GDA: variants seen among roughly 807,000 people sequenced by gnomAD.
GDA encodes the protein cytoplasmic PSD-95 interactor.
GDA carries 18 observed loss-of-function variants against 59.6 expected under a neutral mutation model. The observed-to-expected ratio is 0.30, with a 90% confidence interval of 0.21 to 0.45. The LOEUF (loss-of-function observed/expected upper bound fraction) is 0.45. GDA is among the 20% of genes least tolerant of loss of function. GDA has a pLI of 1.00. For missense variants in GDA, 427 were observed against 552.3 expected (o/e 0.77, Z 2.27); for synonymous variants, 201 against 201.1 (o/e 1.00, Z 0.00).
At chr9:72,237,134 C>G (rs1839098978) in intron 10 of GDA, among the ~76,000 whole-genome samples, 2 of 152,158 alleles carry the variant, frequency 1.3e-5, no homozygotes, top group Non-Finnish European at 2.9e-5. Context: ...ACCTGTCTGC[C>G]TCCCTTCATG....
intron 12 of GDA, among the ~76,000 whole-genome samples, chr9:72,246,008 A>C (rs1017801686): frequency 6.6e-6 from 1 of 152,218 alleles, no homozygotes; most frequent in African/African-American, 2.4e-5. Context: ...TTTAAAAGAA[A>C]AATTCTGTAT....
intron 7 of GDA, 121 bp downstream of exon 7, chr9:72,223,348 A>G (rs1283545896): frequency 3.2e-6 from 2 of 616,804 alleles, no homozygotes; most frequent in Non-Finnish European, 5.8e-6. Flanking sequence ...TTCAACTGAG[A>G]TATCCTAGAG....
chr9:72,236,776 A>G (rs13292413), intron 10 of GDA, among the ~76,000 whole-genome samples: 1 of 101,466 alleles, frequency 9.9e-6, no homozygotes, highest in Non-Finnish European at 2.0e-5. Flanking sequence ...AACCACTCCT[A>G]TTTTTTTTTT....
rs1354192338 is a variant in GDA at position 72,245,248 on chromosome 9, T to A, written c.1236T>A (p.Phe412Leu). ...CATCCGACTCTCCCATTGACCTGTT[T>A]TATGGGGACTTTTTTGGTGATATTT... The part of the protein sequence containing the change: ...PKASDSPIDL[F>L]YGDFFGDISE... The change falls in exon 12 of 14, where the codon TTT (phenylalanine) becomes TTA (leucine). Residue 412 changes from phenylalanine to leucine, a missense_variant. By Grantham distance (22) the Phe-to-Leu change is conservative. Coordinates refer to ENST00000358399, the MANE Select transcript of GDA (RefSeq NM_004293.5). 1 of 1,611,098 alleles carries A rather than the reference T, an allele frequency of 6.2e-7. No individual in the cohort carries two copies. The highest frequency in any genetic ancestry group is 1.7e-5 in the Admixed American group (1 of 60,010).
chr9:72,153,647 G>A (rs1017152192), intron 1 of GDA, among the ~76,000 whole-genome samples: 4 of 151,384 alleles, frequency 2.6e-5, no homozygotes, highest in African/African-American at 7.3e-5. Flanking sequence ...ATACTATGCA[G>A]CCATAAAAAA....
At chr9:72,237,541 C>T (rs1839154978) in intron 10 of GDA, among the ~76,000 whole-genome samples, 1 of 152,116 alleles carries the variant, frequency 6.6e-6, no homozygotes, top group African/African-American at 2.4e-5. Context: ...TTAGGAGGTG[C>T]CATCCACAAC....
chr9:72,173,677 C>A (rs1006674799), intron 1 of GDA, among the ~76,000 whole-genome samples: 1 of 152,156 alleles, frequency 6.6e-6, no homozygotes, highest in Non-Finnish European at 1.5e-5. Flanking sequence ...TAGGGTCCAC[C>A]CTGCTAATCT....
intron 10 of GDA, 106 bp from the exon 11 acceptor site, chr9:72,241,046 A>AG (rs946790100): frequency 2.8e-6 from 2 of 714,584 alleles, no homozygotes; most frequent in African/African-American, 3.5e-5. Context: ...CTTTTTAAAA[A>AG]AAGTATATTA....
intron 1 of GDA, 57 bp downstream of exon 1, chr9:72,149,739 C>A: frequency 6.6e-7 from 1 of 1,508,236 alleles, no homozygotes; most frequent in Non-Finnish European, 8.9e-7. Context: ...GTGCAAGGAA[C>A]CTGGCGCGGT....
chr9:72,182,301 A>T (rs1305045804), intron 1 of GDA, among the ~76,000 whole-genome samples: 1 of 152,124 alleles, frequency 6.6e-6, no homozygotes, highest in Non-Finnish European at 1.5e-5. Context: ...TATGTATCAC[A>T]TTCCTTTAGT....
downstream of GDA, among the ~76,000 whole-genome samples, chr9:72,253,059 A>G (rs900271324): frequency 1.3e-5 from 2 of 152,218 alleles, no homozygotes; most frequent in Non-Finnish European, 2.9e-5. Context: ...TCCTTTACAC[A>G]GAAACACTTT....
rs1393739765 is a variant in GDA at position 72,251,529 on chromosome 9, T to G, written c.*3187T>G. 6.6e-6 allele frequency: 1 copy of G among 152,188 alleles called. No homozygotes were observed. Among genetic ancestry groups the G allele is most frequent in the Non-Finnish European group, 1.5e-5 (1 of 68,030 alleles). 9.4% of individuals were successfully genotyped at this position (152,188 alleles called of 1,614,324 possible). ...TAAAGTTGATGATTGCTGGAAACAT[T>G]CACACGCTTAAAAGCAATGGTGTGA... On this transcript the variant is annotated 3_prime_UTR_variant, in exon 14 of 14. Transcript: ENST00000358399.
At chr9:72,182,238 G>A (rs938627896) in intron 1 of GDA, among the ~76,000 whole-genome samples, 3 of 152,240 alleles carry the variant, frequency 2.0e-5, no homozygotes, top group African/African-American at 4.8e-5. Context: ...TGCCCTTGGT[G>A]GCTATTTCCC....
chr9:72,183,339 C>T (rs969923693), intron 1 of GDA, among the ~76,000 whole-genome samples: 9 of 152,172 alleles, frequency 5.9e-5, no homozygotes, highest in Non-Finnish European at 1.2e-4. Flanking sequence ...TGACACTGCA[C>T]TTCTCCAACC....
intron 10 of GDA, among the ~76,000 whole-genome samples, chr9:72,234,047 G>A (rs1838681419): frequency 6.6e-6 from 1 of 152,178 alleles, no homozygotes; most frequent in South Asian, 2.1e-4. Flanking sequence ...CAGGAGGATG[G>A]ATAAGCAAGT....
At chr9:72,210,199 T>C (rs1835185548) in intron 3 of GDA, among the ~76,000 whole-genome samples, 1 of 152,248 alleles carries the variant, frequency 6.6e-6, no homozygotes, top group South Asian at 2.1e-4. Flanking sequence ...TCTGCTCATG[T>C]CTCTCCTCTC....
rs1425524216 is a variant in GDA, at chr9:72,251,327, C to G, written c.*2985C>G. On this transcript the variant is annotated 3_prime_UTR_variant, in exon 14 of 14. Transcript: ENST00000358399. ...TAGCAATGCATTTTGAATCTTCACT[C>G]CCTACCAGGCTCTTCCTATTTTTAA... 2 of 156,542 alleles carry G rather than the reference C, an allele frequency of 1.3e-5. No individual in the cohort carries two copies. The highest frequency in any genetic ancestry group is 2.4e-5 in the African/African-American group (1 of 41,454). 9.7% of individuals were successfully genotyped at this position (156,542 alleles called of 1,614,324 possible).
chr9:72,219,337 A>C, intron 5 of GDA, 142 bp from the exon 6 acceptor site: 1 of 573,242 alleles, frequency 1.7e-6, no homozygotes. Context: ...CGGGAGGCGG[A>C]GCTTGCAGTG....
intron 1 of GDA, among the ~76,000 whole-genome samples, chr9:72,177,047 T>A (rs559105026): frequency 4.8e-4 from 73 of 151,430 alleles, no homozygotes; most frequent in African/African-American, 1.7e-3. Flanking sequence ...TGCAAAGTGA[T>A]CCTAGTGGGA....
Sources: allele counts gnomAD v4.1 joint callset (sites outside exome capture counted in the v4.1 genomes callset), GRCh38; gene constraint gnomAD v4.1.1; transcripts MANE v1.5; gene names NCBI Gene and HGNC (gene_info 2026-07-23, HGNC 2026-07-21).